Variants in NAA38 observed in about 807,000 individuals in gnomAD.
The protein encoded by NAA38 is LSM domain containing 1.
Under a neutral mutation model 12.6 loss-of-function variants are expected in NAA38, and 15 were observed. That is an observed-to-expected ratio of 1.19 (90% confidence interval 0.79 to 1.83). The LOEUF (loss-of-function observed/expected upper bound fraction) is 1.83, where lower values mean the gene tolerates loss of function less well. Ranked by LOEUF, NAA38 falls within the 40% of genes most tolerant of loss-of-function variation. The pLI is 0.00. For synonymous variants in NAA38, 88 were observed against 69.9 expected (o/e 1.26, Z -1.29); for missense variants, 183 against 171.7 (o/e 1.07, Z -0.37).
At position 7,857,383 on chromosome 17, in the gene NAA38, C is replaced by G; in HGVS notation, c.81G>C (p.Gly27=). The stretch of plus-strand genomic sequence containing the variant: ...TCCCAGAACCAGAGCCCGTGCTAAC[C>G]CCAGCACTGGAGCTGCTCTGACGCC... The part of the protein sequence containing the change: ...CSRRQSSSSA[G]DSDGEREDSA... The change falls in exon 1 of 3, where the codon GGG becomes GGC. Residue 27 remains glycine (G), a splice_region_variant and synonymous_variant. Transcript: ENST00000575771. 6.2e-7 allele frequency: 1 copy of G among 1,612,350 alleles called. No individual in the cohort carries two copies. Among genetic ancestry groups the G allele is most frequent in the Non-Finnish European group, 8.5e-7 (1 of 1,179,430 alleles).
At chr17:7,857,270 A>C in intron 1 of NAA38, 72 bp from the exon 2 acceptor site, 10 of 1,609,626 alleles carry the variant, frequency 6.2e-6, no homozygotes, top group Non-Finnish European at 8.5e-6. Flanking sequence ...AGCTCCCGGC[A>C]GCCCGCGGGG....
chr17:7,884,893 C>G lies in NAA38; in HGVS notation c.-167+272G>C, dbSNP rs1967501605. ...AAGAAGAGGAGGAAGAAGAGGGCGA[C>G]GAGGAGGAGGAGGAGGAGGTGGAGG... On this transcript the variant is annotated intron_variant, in intron 1 of 4. Transcript: ENST00000576861. 2.3e-6 allele frequency: 3 copies of G among 1,280,720 alleles called. No homozygotes were observed. The highest frequency in any genetic ancestry group is 5.4e-5 in the Admixed American group (2 of 37,022). The allele number at this position is 1,280,720 out of a possible 1,614,324, so 79.3% of individuals were successfully genotyped here. A position where few individuals can be genotyped will look rare whatever the true frequency, so the allele number is the denominator to read the frequency against.
upstream of NAA38, chr17:7,861,521 C>G (rs963877367): frequency 1.3e-5 from 2 of 152,208 alleles, no homozygotes; most frequent in African/African-American, 4.8e-5. Context: ...CTAGTGCAAG[C>G]CTCAGGGCCT....
rs937639122 is a variant in NAA38 at position 7,869,552 on chromosome 17, A to G, written c.-65-2994T>C. 4.6e-5 allele frequency among the ~76,000 whole-genome samples: 7 copies of G among 152,282 alleles called. No individual in the cohort carries two copies. The South Asian group carries it at 8.3e-4, about 18-fold the overall frequency. On this transcript the variant is annotated intron_variant, in intron 2 of 4. Transcript: ENST00000576861. ...CGAGGCGGGTGGATCACTTCAGGTCAGGAGTTCAAGACCAGCCTGGCCAAC... is the reference window on the plus strand; with the variant it reads ...CGAGGCGGGTGGATCACTTCAGGTCGGGAGTTCAAGACCAGCCTGGCCAAC...
At chr17:7,880,603 A>G (rs1967255109) in intron 2 of NAA38, among the ~76,000 whole-genome samples, 2 of 152,222 alleles carry the variant, frequency 1.3e-5, no homozygotes, top group East Asian at 1.9e-4. Flanking sequence ...CTGGATTCAC[A>G]TGACCTTACA....
chr17:7,863,070 G>T (rs2151388003), upstream of NAA38: 1 of 152,276 alleles, frequency 6.6e-6, no homozygotes, highest in Non-Finnish European at 1.5e-5. Context: ...CAAAAAGGAG[G>T]TCCTGATTAC....
chr17:7,879,434 A>G (rs992635447), intron 2 of NAA38, among the ~76,000 whole-genome samples: 8 of 151,472 alleles, frequency 5.3e-5, no homozygotes, highest in Non-Finnish European at 1.0e-4. Context: ...CATATGTGAC[A>G]TTTTGTGTGT....
chr17:7,866,887 G>GTCACTCAATAAAT (rs1166070260), intron 2 of NAA38, among the ~76,000 whole-genome samples: 7 of 152,200 alleles, frequency 4.6e-5, no homozygotes, highest in Non-Finnish European at 1.0e-4. Context: ...GCCCAGAGCA[G>GTCACTCAATAAAT]TCACTCAATA....
chr17:7,877,026 T>C (rs1967186394), intron 2 of NAA38: 2 of 369,470 alleles, frequency 5.4e-6, no homozygotes, highest in South Asian at 4.0e-5. Context: ...CATCTACTGA[T>C]TGTACTTTGC....
At chr17:7,858,255 C>T (rs977352006), upstream of NAA38, 2 of 1,613,902 alleles carry the variant, frequency 1.2e-6, no homozygotes, top group Non-Finnish European at 1.7e-6. Context: ...TTACCTGGGA[C>T]GCGTGTACGA....
At chr17:7,857,641 T>G (rs963533575), upstream of NAA38, 26 of 1,339,084 alleles carry the variant, frequency 1.9e-5, no homozygotes, top group Admixed American at 3.6e-5. Context: ...TCTAGCGCTG[T>G]GGCTCACTGA....
At chr17:7,873,762 G>A (rs1054101067) in intron 2 of NAA38, among the ~76,000 whole-genome samples, 3 of 152,168 alleles carry the variant, frequency 2.0e-5, no homozygotes, top group Admixed American at 1.3e-4. Context: ...TAAACATGTA[G>A]TTGAGTATTG....
upstream of NAA38, chr17:7,858,075 A>T (rs1162199787): frequency 3.8e-5 from 61 of 1,601,814 alleles, no homozygotes; most frequent in Non-Finnish European, 4.8e-5. Flanking sequence ...AGTAGTAGTG[A>T]GTACGTGCTG....
chr17:7,868,161 G>A (rs887062750), intron 2 of NAA38, among the ~76,000 whole-genome samples: 1 of 152,178 alleles, frequency 6.6e-6, no homozygotes, highest in Non-Finnish European at 1.5e-5. Flanking sequence ...AGGACGAAGT[G>A]CAATCTACAG....
chr17:7,857,430 C>T lies in NAA38; in HGVS notation c.34G>A (p.Glu12Lys). Reference protein sequence around the residue: ...AGAGPTMLLREENGCCSRRQS... With the variant: ...AGAGPTMLLRKENGCCSRRQS... ...CGCCGACTGCAACAGCCATTCTCTT[C>T]TCGTAGCAGCATGGTCGGTCCAGCT... The change falls in exon 1 of 3, where the codon GAA (glutamate) becomes AAA (lysine). Residue 12 changes from glutamate (E) to lysine (K), a missense_variant. Physicochemically the swap from Glu to Lys is moderately conservative, Grantham distance 56 (BLOSUM62 1). Coordinates refer to ENST00000575771, the MANE Select transcript of NAA38 (RefSeq NM_001320925.4). The T allele has an allele frequency of 1.3e-6, 2 of 1,587,596 alleles. No individual in the cohort carries two copies. Among genetic ancestry groups the T allele is most frequent in the Non-Finnish European group, 1.7e-6 (2 of 1,168,898 alleles).
At chr17:7,877,249 G>A (rs1188375348) in intron 2 of NAA38, among the ~76,000 whole-genome samples, 1 of 152,048 alleles carries the variant, frequency 6.6e-6, no homozygotes, top group East Asian at 1.9e-4. Context: ...TTTCCTGAAA[G>A]TAACCAATGT....
chr17:7,857,971 T>G (rs1490297676), upstream of NAA38: 5 of 1,479,044 alleles, frequency 3.4e-6, no homozygotes, highest in Admixed American at 2.5e-5. Context: ...GCCCCTGATA[T>G]TTATCTCAGT....
intron 2 of NAA38, among the ~76,000 whole-genome samples, chr17:7,880,671 G>GT (rs1379762085): frequency 2.0e-5 from 3 of 152,176 alleles, no homozygotes; most frequent in Admixed American, 6.5e-5. Context: ...CTGTGTGCAT[G>GT]TAAGCTCAGC....
At chr17:7,865,538 T>C (rs1287986348) in intron 3 of NAA38, 1 of 152,102 alleles carries the variant, frequency 6.6e-6, no homozygotes, top group East Asian at 1.9e-4. Flanking sequence ...TATCAGTTTT[T>C]CTCCACATGG....
Sources: gnomAD v4.1 joint callset for allele counts (sites outside exome capture counted in the v4.1 genomes callset) on GRCh38, gnomAD v4.1.1 for gene constraint, MANE v1.5 for transcripts, NCBI Gene and HGNC (gene_info 2026-07-23, HGNC 2026-07-21) for gene names.